RIMS2: variants seen among roughly 807,000 people sequenced by gnomAD.
The protein encoded by RIMS2 is regulating synaptic membrane exocytosis protein 2.
A neutral mutation model predicts 174.4 loss-of-function variants in RIMS2; 59 were observed. The observed-to-expected ratio is 0.34, with a 90% CI of 0.27 to 0.42. The LOEUF (loss-of-function observed/expected upper bound fraction) is 0.42. Among genes scored for constraint, RIMS2 ranks in the 10% least tolerant of loss-of-function variants. RIMS2 has a pLI of 1.00. For missense variants in RIMS2, 1,620 were observed against 1,666.3 expected (o/e 0.97, Z 0.48); for synonymous variants, 606 against 572.5 (o/e 1.06, Z -0.84).
At chr8:103,844,625 T>C (rs2098958395) in intron 3 of RIMS2, among the ~76,000 whole-genome samples, 1 of 152,216 alleles carries the variant, frequency 6.6e-6, no homozygotes, top group South Asian at 2.1e-4. Flanking sequence ...AAAGCCACTT[T>C]GTTAGTAACT....
chr8:104,239,569 G>A (rs1289787198), intron 19 of RIMS2, among the ~76,000 whole-genome samples: 3 of 152,054 alleles, frequency 2.0e-5, no homozygotes, highest in East Asian at 1.9e-4. Context: ...ATGTTTATAT[G>A]TATGTGTATA....
intron 1 of RIMS2, among the ~76,000 whole-genome samples, chr8:103,671,914 G>A (rs1029545993): frequency 2.0e-5 from 3 of 152,118 alleles, no homozygotes; most frequent in African/African-American, 7.2e-5. Flanking sequence ...AAATAAGCCT[G>A]TTCATCTCTC....
intron 3 of RIMS2, among the ~76,000 whole-genome samples, chr8:103,799,246 A>C (rs1296118419): frequency 1.3e-5 from 2 of 152,178 alleles, no homozygotes; most frequent in African/African-American, 4.8e-5. Context: ...TGACCTACAT[A>C]AGTGTAAGAC....
At chr8:103,509,853 A>G (rs1485133323) in intron 1 of RIMS2, among the ~76,000 whole-genome samples, 5 of 152,134 alleles carry the variant, frequency 3.3e-5, no homozygotes, top group Admixed American at 2.0e-4. Flanking sequence ...TATATTATGA[A>G]CACATATCTA....
intron 15 of RIMS2, among the ~76,000 whole-genome samples, chr8:103,965,377 A>C (rs2091533960): frequency 6.6e-6 from 1 of 152,058 alleles, no homozygotes; most frequent in African/African-American, 2.4e-5. Context: ...GTTAGATTAT[A>C]CCTAAGTATT....
Position 103,516,764 on chromosome 8 carries a change from C to T in RIMS2, c.176+15702C>T, listed in dbSNP as rs969827939. ...GACAAAGAACTTCAGTAATAATAAC[C>T]CAATTGGGACAAAAGTAATAATTGG... is the stretch of plus-strand genomic sequence containing the variant. On this transcript the variant is annotated intron_variant, in intron 1 of 23. Transcript: ENST00000504942. Among the ~76,000 whole-genome samples the T allele has an allele frequency of 2.6e-5, 4 of 151,992 alleles. No homozygotes were observed. The East Asian group carries it at 5.8e-4, about 22-fold the overall frequency.
At chr8:104,115,852 G>C (rs1412040989) in intron 19 of RIMS2, among the ~76,000 whole-genome samples, 1 of 152,182 alleles carries the variant, frequency 6.6e-6, no homozygotes, top group Non-Finnish European at 1.5e-5. Flanking sequence ...AGTATTGACA[G>C]ATCTGCTGTT....
chr8:103,541,387 T>A (rs912687898), intron 1 of RIMS2, among the ~76,000 whole-genome samples: 2 of 152,232 alleles, frequency 1.3e-5, no homozygotes, highest in Non-Finnish European at 2.9e-5. Context: ...CCCACAAAGC[T>A]GTTCTTCAGA....
rs946524681 is a variant in RIMS2 at position 103,964,230 on chromosome 8, T to A, written c.2770+3097T>A. Among the ~76,000 whole-genome samples the A allele has an allele frequency of 5.3e-5, 8 of 152,198 alleles. 1 individual carries two copies. Among genetic ancestry groups the A allele is most frequent in the Middle Eastern group, 3.2e-3 (1 of 316 alleles). On this transcript the variant is annotated intron_variant, in intron 15 of 23. Transcript: ENST00000504942. ...ATCGTATGCTAAGAGTATAGTTTTG[T>A]TAGAAAGTTCCAAAACGTCTGTACC...
At chr8:103,577,752 A>C (rs1218574715) in intron 1 of RIMS2, among the ~76,000 whole-genome samples, 3 of 152,218 alleles carry the variant, frequency 2.0e-5, no homozygotes, top group East Asian at 3.8e-4. Flanking sequence ...TGACAAAGAA[A>C]TTAAAATAAT....
chr8:103,881,888 A>G (rs1046465616), intron 3 of RIMS2, among the ~76,000 whole-genome samples: 1 of 151,490 alleles, frequency 6.6e-6, no homozygotes, highest in African/African-American at 2.4e-5. Context: ...AAGTGAATAT[A>G]AATATATACT....
At position 104,156,994 on chromosome 8, in the gene RIMS2, C is replaced by T. The variant is rs996962790; in HGVS notation, c.3335-87922C>T. On this transcript the variant is annotated intron_variant, in intron 19 of 23. Transcript: ENST00000504942. Reference sequence around the variant, plus strand: ...ACATCATCACAAATCTCAAACTAACCCTATAGGATATGGCATGTTAATGTA... The same window carrying T: ...ACATCATCACAAATCTCAAACTAACTCTATAGGATATGGCATGTTAATGTA... Among the ~76,000 whole-genome samples, 3 of 152,206 alleles carry T rather than the reference C, an allele frequency of 2.0e-5. No individual in the cohort carries two copies. The South Asian group carries it at 6.2e-4, about 32-fold the overall frequency.
intron 1 of RIMS2, among the ~76,000 whole-genome samples, chr8:103,572,879 T>C (rs1232058043): frequency 6.6e-6 from 1 of 152,218 alleles, no homozygotes; most frequent in Non-Finnish European, 1.5e-5. Context: ...ATAGCTTCTT[T>C]TGCTGTAGAG....
rs553092542 is a variant in RIMS2 at position 103,579,011 on chromosome 8, T to C, written c.176+77949T>C. ...TCTCAAAAAAAAAAAAATAGAATAT[T>C]GTATTTAGCAAAACTATCCAACAGA... On this transcript the variant is annotated intron_variant, in intron 1 of 23. Coordinates refer to ENST00000504942, the Ensembl canonical transcript of RIMS2. 2.6e-5 allele frequency among the ~76,000 whole-genome samples: 4 copies of C among 151,880 alleles called. No individual in the cohort carries two copies. The South Asian group carries it at 8.3e-4, about 32-fold the overall frequency.
At chr8:103,838,042 G>T (rs371852297) in intron 3 of RIMS2, among the ~76,000 whole-genome samples, 17 of 151,058 alleles carry the variant, frequency 1.1e-4, no homozygotes, top group African/African-American at 3.9e-4. Flanking sequence ...GACCTCCCTG[G>T]CTCAAGTGAT....
chr8:104,209,935 T>A (rs1029275157), intron 19 of RIMS2, among the ~76,000 whole-genome samples: 2 of 152,106 alleles, frequency 1.3e-5, no homozygotes, highest in Non-Finnish European at 2.9e-5. Context: ...AAGGGATATA[T>A]AAGAAACCAT....
intron 19 of RIMS2, among the ~76,000 whole-genome samples, chr8:104,085,853 G>A (rs2097528136): frequency 6.6e-6 from 1 of 152,036 alleles, no homozygotes; most frequent in Non-Finnish European, 1.5e-5. Context: ...AATAAATTTG[G>A]TTTGAGCTAT....
intron 19 of RIMS2, among the ~76,000 whole-genome samples, chr8:104,244,585 A>C (rs1290026627): frequency 6.6e-6 from 1 of 152,210 alleles, no homozygotes; most frequent in Admixed American, 6.5e-5. Context: ...GGCATAAATT[A>C]ACCTGCATTT....
intron 1 of RIMS2, among the ~76,000 whole-genome samples, chr8:103,636,584 G>A (rs969755173): frequency 5.9e-5 from 9 of 152,096 alleles, no homozygotes; most frequent in South Asian, 2.1e-4. Flanking sequence ...CAGGTGGGCC[G>A]TTGTCCTGTC....
Sources: gnomAD v4.1 joint callset for allele counts (sites outside exome capture counted in the v4.1 genomes callset) on GRCh38, gnomAD v4.1.1 for gene constraint, MANE v1.5 for transcripts, NCBI Gene and HGNC (gene_info 2026-07-23, HGNC 2026-07-21) for gene names.